CDC42BPA: variants seen among roughly 807,000 people sequenced by gnomAD.
CDC42BPA encodes CDC42 binding protein kinase alpha, also known as serine/threonine-protein kinase MRCK alpha.
In CDC42BPA, 80 loss-of-function variants were observed where a neutral mutation model predicts 223.5. The observed-to-expected ratio is 0.36, with a 90% CI of 0.30 to 0.43. The LOEUF is 0.43. Ranked by LOEUF, CDC42BPA falls within the 20% of genes least tolerant of loss-of-function variation. The pLI is 1.00. For missense variants in CDC42BPA, 1,743 were observed against 2,099.9 expected (o/e 0.83, Z 3.32); for synonymous variants, 694 against 718.6 (o/e 0.97, Z 0.55).
At chr1:227,275,143 A>C (rs1686699267) in intron 1 of CDC42BPA, among the ~76,000 whole-genome samples, 1 of 152,010 alleles carries the variant, frequency 6.6e-6, no homozygotes. Context: ...CTGGAGTATG[A>C]TACAAATAAA....
intron 32 of CDC42BPA, 88 bp downstream of exon 32, chr1:227,023,175 G>C: frequency 1.5e-6 from 1 of 660,504 alleles, no homozygotes; most frequent in South Asian, 1.8e-5. Context: ...CTGGACTCTG[G>C]CACTTATTAT....
chr1:227,056,840 C>T (rs1347962002), intron 21 of CDC42BPA, among the ~76,000 whole-genome samples: 1 of 152,096 alleles, frequency 6.6e-6, no homozygotes, highest in African/African-American at 2.4e-5. Flanking sequence ...ACTTATGATA[C>T]AAAAACAGTA....
intron 23 of CDC42BPA, 51 bp downstream of exon 23, chr1:227,047,876 A>G (rs780274537): frequency 1.9e-6 from 2 of 1,075,514 alleles, no homozygotes; most frequent in South Asian, 2.7e-5. Context: ...CATAGAGCAG[A>G]TAAAATTCAT....
chr1:227,065,282 G>A (rs548992689), intron 21 of CDC42BPA, among the ~76,000 whole-genome samples: 1 of 152,152 alleles, frequency 6.6e-6, no homozygotes, highest in South Asian at 2.1e-4. Flanking sequence ...GTGCTGTAAT[G>A]GTTAAAACAA....
chr1:227,224,973 C>T (rs1280464917), intron 2 of CDC42BPA, among the ~76,000 whole-genome samples: 7 of 151,922 alleles, frequency 4.6e-5, no homozygotes, highest in Admixed American at 4.6e-4. Context: ...AATGAGCTAA[C>T]AGAGGGAAAA....
chr1:227,317,132 C>T lies in CDC42BPA; in HGVS notation c.51G>A (p.Gly17=), dbSNP rs755475351. The T allele has an allele frequency of 1.6e-5, 26 of 1,614,054 alleles. No individual in the cohort carries two copies. In the Middle Eastern group the frequency reaches 4.9e-4, roughly 31 times the overall value. The change falls in exon 1 of 37, where the codon GGG becomes GGA. Residue 17 remains glycine (G), a synonymous_variant. Transcript: ENST00000366766. The stretch of plus-strand genomic sequence containing the variant: ...AGCACTGCCCATTGGTCTGAGCGGG[C>T]CCGTCCAAAATAAACTGCTCCAACT... The part of the protein sequence containing the change: ...LRQLEQFILD[G]PAQTNGQCFS...
At chr1:227,211,866 G>A (rs939317659) in intron 3 of CDC42BPA, among the ~76,000 whole-genome samples, 2 of 152,010 alleles carry the variant, frequency 1.3e-5, no homozygotes, top group African/African-American at 4.8e-5. Flanking sequence ...TCACCACAAT[G>A]CAATATATGC....
chr1:227,238,962 G>C (rs2813951), intron 2 of CDC42BPA, among the ~76,000 whole-genome samples: 24,002 of 152,120 alleles, frequency 0.16, 2,173 homozygotes, highest in East Asian at 0.37. Context: ...CTTAATGACT[G>C]CATCAACCGT....
intron 10 of CDC42BPA, among the ~76,000 whole-genome samples, chr1:227,136,475 G>C (rs1336514454): frequency 6.6e-6 from 1 of 152,196 alleles, no homozygotes; most frequent in Non-Finnish European, 1.5e-5. Flanking sequence ...AATATCTACA[G>C]AGATTATGGC....
chr1:227,004,526 AC>A (rs1663599340), intron 35 of CDC42BPA: 1 of 173,384 alleles, frequency 5.8e-6, no homozygotes, highest in Admixed American at 5.5e-5. Flanking sequence ...TGCTGGTCTG[AC>A]CCTTACCTGC....
rs1683655574 is a variant in CDC42BPA at position 227,259,362 on chromosome 1, T to C, written c.179-5207A>G. On this transcript the variant is annotated intron_variant, in intron 1 of 36. Coordinates refer to ENST00000366766, the MANE Select transcript of CDC42BPA (RefSeq NM_001394014.1). ...TGAGGCAAACATCCTACTATGACTC[T>C]AAAAGCAAAAGAGAAAATCAGTTCC... 2.0e-5 allele frequency among the ~76,000 whole-genome samples: 3 copies of C among 150,940 alleles called. No individual in the cohort carries two copies. In the South Asian group the frequency reaches 6.2e-4, roughly 31 times the overall value.
chr1:227,294,181 A>C (rs1572910476), intron 1 of CDC42BPA, among the ~76,000 whole-genome samples: 1 of 151,552 alleles, frequency 6.6e-6, no homozygotes. Context: ...CTGAGGCGGG[A>C]GAATGGCATG....
rs540944801 is a variant in CDC42BPA at position 227,157,172 on chromosome 1, AAGAC to A, written c.693+3367_693+3370del. ...TACCTTTTATGTAAATTAAATAAGA[AAGAC>A]AGTATAGACATTTTATTTACCCACT... On this transcript the variant is annotated intron_variant, in intron 6 of 36. Coordinates refer to ENST00000366766, the MANE Select transcript of CDC42BPA (RefSeq NM_001394014.1). Among the ~76,000 whole-genome samples, 17 of 152,346 alleles carry A rather than the reference AAGAC, an allele frequency of 1.1e-4. No homozygotes were observed. In the South Asian group the frequency reaches 3.5e-3, roughly 32 times the overall value.
chr1:227,035,406 G>T, intron 25 of CDC42BPA, 65 bp downstream of exon 25: 1 of 1,237,692 alleles, frequency 8.1e-7, no homozygotes, highest in East Asian at 2.5e-5. Context: ...AAACTAACTG[G>T]ATTTGATTTT....
chr1:227,220,918 C>T (rs1470924300), intron 2 of CDC42BPA, among the ~76,000 whole-genome samples: 3 of 152,190 alleles, frequency 2.0e-5, no homozygotes, highest in Non-Finnish European at 4.4e-5. Flanking sequence ...CCTCAAGGAA[C>T]TGATACCACA....
intron 3 of CDC42BPA, among the ~76,000 whole-genome samples, chr1:227,202,631 A>G (rs1475220884): frequency 6.6e-6 from 1 of 152,118 alleles, no homozygotes; most frequent in Non-Finnish European, 1.5e-5. Context: ...TTTAAAAATA[A>G]AAATAATAGG....
At chr1:227,260,142 C>T (rs565998767) in intron 1 of CDC42BPA, among the ~76,000 whole-genome samples, 1 of 150,830 alleles carries the variant, frequency 6.6e-6, no homozygotes, top group African/African-American at 2.5e-5. Context: ...GCTCCAAAAG[C>T]CTTTCCAACA....
At chr1:227,132,698 C>T (rs1480563894) in intron 10 of CDC42BPA, among the ~76,000 whole-genome samples, 1 of 151,706 alleles carries the variant, frequency 6.6e-6, no homozygotes, top group Non-Finnish European at 1.5e-5. Context: ...GCGCCTCTTC[C>T]CCACCACCAT....
At chr1:227,249,041 C>T (rs570179051) in intron 2 of CDC42BPA, among the ~76,000 whole-genome samples, 1 of 152,286 alleles carries the variant, frequency 6.6e-6, no homozygotes, top group African/African-American at 2.4e-5. Context: ...AATGATACTA[C>T]AGAGCTACAG....
Sources: gnomAD v4.1 joint callset for allele counts (sites outside exome capture counted in the v4.1 genomes callset) on GRCh38, gnomAD v4.1.1 for gene constraint, MANE v1.5 for transcripts, NCBI Gene and HGNC (gene_info 2026-07-23, HGNC 2026-07-21) for gene names.